The following TCP11L2 variants were observed in gnomAD, a reference collection of about 807,000 sequenced individuals.
The protein encoded by TCP11L2 is T-complex protein 11-like protein 2.
In TCP11L2, 39 loss-of-function variants were observed where a neutral mutation model predicts 50.7. That is an observed-to-expected ratio of 0.77 (90% CI 0.60 to 1.01). The LOEUF is 1.01. TCP11L2 is among the 50% of genes least tolerant of loss of function. The pLI is 0.00. For missense variants in TCP11L2, 612 were observed against 614.7 expected (o/e 1.00, Z 0.05); for synonymous variants, 192 against 219.3 (o/e 0.88, Z 1.10).
At chr12:106,320,193 G>A (rs1241297305) in intron 4 of TCP11L2, among the ~76,000 whole-genome samples, 1 of 152,158 alleles carries the variant, frequency 6.6e-6, no homozygotes. Context: ...AAGGTCGGGG[G>A]ATAGAGACCA....
chr12:106,336,429 G>C (rs773503629), intron 8 of TCP11L2, among the ~76,000 whole-genome samples: 10 of 152,042 alleles, frequency 6.6e-5, no homozygotes, highest in Non-Finnish European at 1.3e-4. Context: ...CAAGTGCCAG[G>C]GTGAGTGTAG....
At chr12:106,334,058 G>A (rs1164294300) in intron 6 of TCP11L2, among the ~76,000 whole-genome samples, 1 of 152,114 alleles carries the variant, frequency 6.6e-6, no homozygotes, top group East Asian at 1.9e-4. Context: ...TAGAGTGCTT[G>A]GAAGTATCAA....
rs180901315 is a variant in TCP11L2, at chr12:106,338,888, C to T, written c.1143-1938C>T. On this transcript the variant is annotated intron_variant, in intron 8 of 9. Transcript: ENST00000299045. ...GGGCACGGTGGCTCACACCTGTAATCCCAGCATTCTAGGAGGCCGAGGCAG... is the reference window on the plus strand; with the variant it reads ...GGGCACGGTGGCTCACACCTGTAATTCCAGCATTCTAGGAGGCCGAGGCAG... 2.0e-3 allele frequency among the ~76,000 whole-genome samples: 304 copies of T among 152,314 alleles called. 2 individuals carry two copies. Among genetic ancestry groups the T allele is most frequent in the Middle Eastern group, 0.014 (4 of 294 alleles).
In TCP11L2 at chr12:106,330,901, C is replaced by T. The variant is rs1247280741; in HGVS notation, c.773-4738C>T. 2.0e-5 allele frequency among the ~76,000 whole-genome samples: 3 copies of T among 152,196 alleles called. No homozygotes were observed. The East Asian group carries it at 5.8e-4, about 29-fold the overall frequency. On this transcript the variant is annotated intron_variant, in intron 6 of 9. Transcript: ENST00000299045. ...TCTGCTAATAATAACTATTAGGCAC[C>T]TAGTAACCTATATTGTAGTAATATT...
chr12:106,332,814 C>T (rs763725551), intron 6 of TCP11L2, among the ~76,000 whole-genome samples: 6 of 152,190 alleles, frequency 3.9e-5, no homozygotes, highest in Non-Finnish European at 5.9e-5. Flanking sequence ...CTCCCAAAGT[C>T]TCCATCTCCA....
intron 1 of TCP11L2, among the ~76,000 whole-genome samples, chr12:106,308,639 A>G (rs977562808): frequency 6.6e-6 from 1 of 152,214 alleles, no homozygotes; most frequent in Non-Finnish European, 1.5e-5. Context: ...TGGGGGAAAA[A>G]TGACTTAAAG....
intron 6 of TCP11L2, chr12:106,324,614 A>G (rs1047737211): frequency 2.6e-5 from 4 of 152,212 alleles, no homozygotes; most frequent in Non-Finnish European, 5.9e-5. Context: ...AGAGGTACCA[A>G]TTAGGTGGTA....
intron 6 of TCP11L2, among the ~76,000 whole-genome samples, chr12:106,327,385 C>G (rs956732284): frequency 6.6e-6 from 1 of 151,962 alleles, no homozygotes; most frequent in African/African-American, 2.4e-5. Flanking sequence ...TTTGTAGAGA[C>G]GGGGGTCTGT....
upstream of TCP11L2, among the ~76,000 whole-genome samples, chr12:106,298,812 C>T (rs1237493066): frequency 6.6e-6 from 1 of 151,430 alleles, no homozygotes; most frequent in African/African-American, 2.4e-5. Flanking sequence ...TGTGAACCAC[C>T]ATGCCCGGCC....
upstream of TCP11L2, among the ~76,000 whole-genome samples, chr12:106,299,639 A>C (rs1178834194): frequency 1.3e-5 from 2 of 152,188 alleles, no homozygotes; most frequent in Non-Finnish European, 2.9e-5. Flanking sequence ...ACATAATGAG[A>C]AGCTCAGAAA....
chr12:106,319,310 G>C (rs1008188955), intron 4 of TCP11L2, among the ~76,000 whole-genome samples: 1 of 152,172 alleles, frequency 6.6e-6, no homozygotes, highest in African/African-American at 2.4e-5. Context: ...CATTCCATTG[G>C]GGATTGGGTT....
intron 1 of TCP11L2, among the ~76,000 whole-genome samples, chr12:106,305,695 G>A (rs574081746): frequency 6.6e-6 from 1 of 152,330 alleles, no homozygotes; most frequent in Non-Finnish European, 1.5e-5. Flanking sequence ...ATTAGATGCA[G>A]TGAGTGTAGC....
upstream of TCP11L2, among the ~76,000 whole-genome samples, chr12:106,300,308 T>C (rs552663008): frequency 6.6e-6 from 1 of 152,112 alleles, no homozygotes; most frequent in African/African-American, 2.4e-5. Context: ...TTTACAGCAC[T>C]CCATTTTTTC....
intron 2 of TCP11L2, 43 bp from the exon 3 acceptor site, chr12:106,314,315 A>C (rs759836859): frequency 3.2e-6 from 5 of 1,586,534 alleles, no homozygotes; most frequent in Non-Finnish European, 4.3e-6. Flanking sequence ...TTGGATGACA[A>C]CTTTTCTTCT....
At chr12:106,337,612 A>G (rs1431431262) in intron 8 of TCP11L2, among the ~76,000 whole-genome samples, 1 of 152,226 alleles carries the variant, frequency 6.6e-6, no homozygotes. Context: ...TACTAAGAAG[A>G]CAGGCTTTCG....
At chr12:106,326,457 A>T (rs117648933) in intron 6 of TCP11L2, among the ~76,000 whole-genome samples, 264 of 152,276 alleles carry the variant, frequency 1.7e-3, no homozygotes, top group Non-Finnish European at 2.8e-3. Context: ...GACCTTCCTG[A>T]TAGTTGGAGC....
chr12:106,320,368 G>A (rs746708103), intron 4 of TCP11L2, among the ~76,000 whole-genome samples: 2 of 151,872 alleles, frequency 1.3e-5, no homozygotes, highest in African/African-American at 2.4e-5. Flanking sequence ...ACTGCACTCC[G>A]GCCTGGTGAC....
intron 1 of TCP11L2, among the ~76,000 whole-genome samples, chr12:106,310,324 T>A (rs988153558): frequency 6.6e-6 from 1 of 152,186 alleles, no homozygotes; most frequent in African/African-American, 2.4e-5. Context: ...CTTTGTAAAT[T>A]GTCAAATCCT....
In TCP11L2 at chr12:106,340,823, T is replaced by C. The variant is rs376788984; in HGVS notation, c.1143-3T>C. The C allele has an allele frequency of 1.9e-6, 3 of 1,580,780 alleles. No individual in the cohort carries two copies. Among genetic ancestry groups the C allele is most frequent in the South Asian group, 2.4e-5 (2 of 84,932 alleles). On this transcript the variant is annotated splice_polypyrimidine_tract_variant and splice_region_variant and intron_variant, in intron 8 of 9. Transcript: ENST00000299045. ...TGGTGGAATTTCATTTTATGTTTCA[T>C]AGGACCTTTAACTTGAAGGAAGTCC...
Sources: allele counts gnomAD v4.1 joint callset (sites outside exome capture counted in the v4.1 genomes callset), GRCh38; gene constraint gnomAD v4.1.1; transcripts MANE v1.5; gene names NCBI Gene and HGNC (gene_info 2026-07-23, HGNC 2026-07-21).